PLCH1: variants seen among roughly 807,000 people sequenced by gnomAD.
The protein encoded by PLCH1 is phospholipase C eta 1.
PLCH1 carries 60 observed loss-of-function variants against 126.7 expected under a neutral mutation model. That is an observed-to-expected ratio of 0.47 (90% CI 0.38 to 0.59). PLCH1 has a LOEUF of 0.59. Among genes scored for constraint, PLCH1 ranks in the 20% least tolerant of loss-of-function variants. The probability of loss-of-function intolerance (pLI) is 0.00; values close to 1 mark genes in which losing one functional copy is unlikely to be tolerated. For synonymous variants in PLCH1, 719 were observed against 734.9 expected, an observed-to-expected ratio of 0.98 and a Z score of 0.35; for missense variants, 1,723 against 2,040.0, an observed-to-expected ratio of 0.84 and a Z score of 2.99.
chr3:155,575,949 A>T (rs1486550632), intron 6 of PLCH1, among the ~76,000 whole-genome samples: 2 of 152,140 alleles, frequency 1.3e-5, no homozygotes, highest in African/African-American at 4.8e-5. Context: ...CCTGGCTAGG[A>T]GGATTTTCCA....
At chr3:155,604,787 C>T (rs749569729) in intron 2 of PLCH1, among the ~76,000 whole-genome samples, 6 of 152,194 alleles carry the variant, frequency 3.9e-5, no homozygotes, top group East Asian at 1.9e-4. Context: ...CTCTGGCCAG[C>T]GAAAGGTAAG....
rs974073490 is a variant in PLCH1, at chr3:155,605,969, G to GA, written c.80-9592dup. Among the ~76,000 whole-genome samples the GA allele has an allele frequency of 4.6e-4, 67 of 146,474 alleles. No individual in the cohort carries two copies. The Middle Eastern group carries it at 0.011, about 23-fold the overall frequency. ...CTTGGGAAAATATCTTCGTGGGAGGGAAAAAAAAAAGAAGGCTTAAAAGCC... is the reference window on the plus strand; with the variant it reads ...CTTGGGAAAATATCTTCGTGGGAGGGAAAAAAAAAAAGAAGGCTTAAAAGCC... On this transcript the variant is annotated intron_variant, in intron 2 of 22. Transcript: ENST00000460012.
At chr3:155,620,142 A>G (rs569623502) in intron 2 of PLCH1, among the ~76,000 whole-genome samples, 1 of 152,372 alleles carries the variant, frequency 6.6e-6, no homozygotes, top group South Asian at 2.1e-4. Context: ...ATGGAAGATG[A>G]AAAACACTGA....
In PLCH1 at chr3:155,566,284, TATATAC is replaced by T. The variant is rs1420025485; in HGVS notation, c.866-1172_866-1167del. Among the ~76,000 whole-genome samples the T allele has an allele frequency of 3.7e-3, 218 of 58,630 alleles. 7 individuals are homozygous for T. Among genetic ancestry groups the T allele is most frequent in the African/African-American group, 9.6e-3 (205 of 21,280 alleles). The allele number at this position is 58,630 out of a possible 152,430, so 38.5% of individuals were successfully genotyped here. On this transcript the variant is annotated intron_variant, in intron 7 of 22. Transcript: ENST00000460012. ...ACACATATATATACATATATACATA[TATATAC>T]GTATATATACACATATATATACATA...
chr3:155,655,791 C>T lies in PLCH1; in HGVS notation c.79+48355G>A, dbSNP rs920050946. 2.0e-5 allele frequency among the ~76,000 whole-genome samples: 3 copies of T among 151,860 alleles called. No homozygotes were observed. The South Asian group carries it at 6.3e-4, about 32-fold the overall frequency. On this transcript the variant is annotated intron_variant, in intron 2 of 22. Coordinates refer to ENST00000460012, the MANE Select transcript of PLCH1 (RefSeq NM_014996.4). ...AATCTCTTCCAAAAAGAAAGGGTCCCACCCAAAAAGCTAGTAAACCAAAGA... is the reference window on the plus strand; with the variant it reads ...AATCTCTTCCAAAAAGAAAGGGTCCTACCCAAAAAGCTAGTAAACCAAAGA...
At chr3:155,671,866 A>G (rs1743489089) in intron 2 of PLCH1, among the ~76,000 whole-genome samples, 1 of 152,234 alleles carries the variant, frequency 6.6e-6, no homozygotes, top group African/African-American at 2.4e-5. Context: ...AACCCTACAA[A>G]AAGGAAAGTA....
downstream of PLCH1, among the ~76,000 whole-genome samples, chr3:155,476,483 T>G (rs1713553586): frequency 6.6e-6 from 1 of 152,208 alleles, no homozygotes; most frequent in Non-Finnish European, 1.5e-5. Context: ...GGCATCCAAA[T>G]TGAAAAGGAA....
At chr3:155,501,431 G>T (rs1717876113) in intron 13 of PLCH1, among the ~76,000 whole-genome samples, 1 of 152,060 alleles carries the variant, frequency 6.6e-6, no homozygotes, top group South Asian at 2.1e-4. Flanking sequence ...AACTTTTTTG[G>T]GATGGTATGA....
At chr3:155,571,767 C>T (rs1268805736) in intron 6 of PLCH1, among the ~76,000 whole-genome samples, 2 of 152,166 alleles carry the variant, frequency 1.3e-5, no homozygotes, top group Admixed American at 6.5e-5. Context: ...TGACTTCTTA[C>T]TGTGTTAGAT....
At chr3:155,521,674 C>T (rs962420357) in intron 11 of PLCH1, among the ~76,000 whole-genome samples, 5 of 152,108 alleles carry the variant, frequency 3.3e-5, no homozygotes, top group African/African-American at 1.2e-4. Context: ...GCATTTGAGC[C>T]CTCTGCCAAC....
chr3:155,662,147 T>G (rs759412323), intron 2 of PLCH1, among the ~76,000 whole-genome samples: 3 of 152,136 alleles, frequency 2.0e-5, no homozygotes, highest in African/African-American at 7.2e-5. Flanking sequence ...GAGAAGCTAT[T>G]GCCATGATCT....
At position 155,648,454 on chromosome 3, in the gene PLCH1, C is replaced by T. The variant is rs945772952; in HGVS notation, c.80-52076G>A. On this transcript the variant is annotated intron_variant, in intron 2 of 22. Coordinates refer to ENST00000460012, the MANE Select transcript of PLCH1 (RefSeq NM_014996.4). ...GTCCTCCCTGGAAAAAAGACTCTTC[C>T]CCTTTACAAAGGCCTACTCCCCTGG... 3.3e-5 allele frequency among the ~76,000 whole-genome samples: 5 copies of T among 152,126 alleles called. No individual in the cohort carries two copies. In the East Asian group the frequency reaches 9.7e-4, roughly 29 times the overall value.
intron 2 of PLCH1, among the ~76,000 whole-genome samples, chr3:155,665,814 C>A (rs1289256305): frequency 1.3e-5 from 2 of 152,070 alleles, no homozygotes; most frequent in African/African-American, 4.8e-5. Flanking sequence ...GAAAATAAAT[C>A]ACAAATAATC....
chr3:155,631,902 CTT>C (rs60843505), intron 2 of PLCH1, among the ~76,000 whole-genome samples: 29,859 of 140,612 alleles, frequency 0.21, 2,799 homozygotes, highest in South Asian at 0.29. Context: ...ACAAGAACTC[CTT>C]TTTTTTTTTT....
rs139863763 is a variant in PLCH1, at chr3:155,688,863, C to T, written c.79+15283G>A. ...AGAACTTTGTATTGTGGCCTGAGTG[C>T]CAGCTTAGCCGCTGTAGAATAGAAC... On this transcript the variant is annotated intron_variant, in intron 2 of 22. Coordinates refer to ENST00000460012, the MANE Select transcript of PLCH1 (RefSeq NM_014996.4). 5.8e-3 allele frequency among the ~76,000 whole-genome samples: 881 copies of T among 152,294 alleles called. 12 individuals carry two copies. Among genetic ancestry groups the T allele is most frequent in the African/African-American group, 0.02 (835 of 41,562 alleles).
chr3:155,483,302 G>C, intron 22 of PLCH1: 2 of 1,348,706 alleles, frequency 1.5e-6, no homozygotes, highest in Non-Finnish European at 2.1e-6. Flanking sequence ...AATATTCATT[G>C]TCAAAAAAAT....
chr3:155,554,091 G>T lies in PLCH1; in HGVS notation c.1175C>A (p.Ala392Asp). The T allele has an allele frequency of 6.2e-7, 1 of 1,613,848 alleles. No homozygotes were observed. Among genetic ancestry groups the T allele is most frequent in the Non-Finnish European group, 8.5e-7 (1 of 1,179,816 alleles). ...RDVVETINKH[A>D]FVKNEFPVIL... The stretch of plus-strand genomic sequence containing the variant: ...CTTTACTTACTCATTCTTCACAAAG[G>T]CATGCTTGTTGATGGTCTCCACAAC... The change falls in exon 9 of 23, where the codon GCC becomes GAC. Residue 392 changes from alanine to aspartate, a missense_variant. This residue lies in a region of PLCH1 where 776 missense variants were observed against 1,062.9 expected (regional missense o/e 0.73). Coordinates refer to ENST00000460012, the MANE Select transcript of PLCH1 (RefSeq NM_014996.4).
At chr3:155,547,711 T>TA (rs1725549332) in intron 10 of PLCH1, among the ~76,000 whole-genome samples, 1 of 151,622 alleles carries the variant, frequency 6.6e-6, no homozygotes, top group Non-Finnish European at 1.5e-5. Context: ...TATGCAGCCA[T>TA]AAAAAATGAT....
chr3:155,471,119 GAC>G lies in PLCH1; in HGVS notation c.2938+14235_2938+14236del, dbSNP rs1017480454. ...AATGGACTAAATGCTCCAATTAAAA[GAC>G]ACAGACTGGCAAATTGGATAAACAG... On this transcript the variant is annotated intron_variant, in intron 21 of 21. Transcript: ENST00000494598. Among the ~76,000 whole-genome samples, 58 of 152,076 alleles carry G rather than the reference GAC, an allele frequency of 3.8e-4. 1 individual carries two copies. Among genetic ancestry groups the G allele is most frequent in the African/African-American group, 1.3e-3 (55 of 41,392 alleles).
Sources: gnomAD v4.1 joint callset for allele counts (sites outside exome capture counted in the v4.1 genomes callset) on GRCh38, gnomAD v4.1.1 for gene constraint, gnomAD v4.1.1 regional missense constraint, MANE v1.5 for transcripts, NCBI Gene and HGNC (gene_info 2026-07-23, HGNC 2026-07-21) for gene names.